Variants in FHIT observed in about 807,000 individuals in gnomAD.
FHIT encodes the protein bis(5'-adenosyl)-triphosphatase.
Under a neutral mutation model 17.9 loss-of-function variants are expected in FHIT, and 19 were observed. That is an observed-to-expected ratio of 1.06 (90% CI 0.74 to 1.56). The LOEUF (loss-of-function observed/expected upper bound fraction) is 1.56, where lower values mean the gene tolerates loss of function less well. Among genes scored for constraint, FHIT ranks in the 40% most tolerant of loss-of-function variants. FHIT has a pLI of 0.00. For missense variants in FHIT, 248 were observed against 189.2 expected (o/e 1.31, Z -1.82); for synonymous variants, 81 against 69.7 (o/e 1.16, Z -0.81).
chr3:60,886,966 A>G (rs149482014), intron 3 of FHIT, among the ~76,000 whole-genome samples: 1 of 152,316 alleles, frequency 6.6e-6, no homozygotes, highest in East Asian at 1.9e-4. Context: ...AAACAATTAG[A>G]TCTATAATCT....
intron 3 of FHIT, among the ~76,000 whole-genome samples, chr3:60,903,457 G>A (rs1706227474): frequency 6.6e-6 from 1 of 152,146 alleles, no homozygotes; most frequent in Non-Finnish European, 1.5e-5. Context: ...GCCAAATAAA[G>A]ACCTAAATCT....
rs142949445 is a variant in FHIT, at chr3:60,035,949, T to C, written c.104-21797A>G. 3.3e-3 allele frequency among the ~76,000 whole-genome samples: 508 copies of C among 152,350 alleles called. 2 individuals are homozygous for C. Among genetic ancestry groups the C allele is most frequent in the Admixed American group, 6.5e-3 (100 of 15,306 alleles). On this transcript the variant is annotated intron_variant, in intron 5 of 9. Transcript: ENST00000492590. ...CTTCTTGCCTGCTATTTGTCCATGG[T>C]GGGCCAGCAGATCAGCTCTGCCCAT... is the stretch of plus-strand genomic sequence containing the variant.
intron 5 of FHIT, among the ~76,000 whole-genome samples, chr3:60,087,250 C>T (rs1361509295): frequency 6.6e-6 from 1 of 151,286 alleles, no homozygotes; most frequent in Non-Finnish European, 1.5e-5. Context: ...CCATTCTGTC[C>T]ATCTACACCT....
chr3:60,502,889 G>C (rs1214117815), intron 5 of FHIT, among the ~76,000 whole-genome samples: 2 of 152,154 alleles, frequency 1.3e-5, no homozygotes, highest in Non-Finnish European at 2.9e-5. Context: ...TTGGTGAAAG[G>C]TTAGAAAAAA....
At chr3:60,789,175 T>TAGAGAG (rs59757824) in intron 4 of FHIT, among the ~76,000 whole-genome samples, 1,402 of 102,648 alleles carry the variant, frequency 0.014, 33 homozygotes, top group African/African-American at 0.043. Context: ...TATATATATA[T>TAGAGAG]AGAGAGAGAG....
intron 5 of FHIT, among the ~76,000 whole-genome samples, chr3:60,192,312 G>C (rs771853002): frequency 2.0e-5 from 3 of 151,760 alleles, no homozygotes; most frequent in Admixed American, 2.0e-4. Flanking sequence ...TTTGAAAAAG[G>C]TAAACTGAGG....
At chr3:60,985,129 T>C (rs996142526) in intron 3 of FHIT, among the ~76,000 whole-genome samples, 1 of 152,166 alleles carries the variant, frequency 6.6e-6, no homozygotes. Context: ...GAGTATGGCA[T>C]TGAAGGACCT....
At chr3:60,965,821 T>C (rs782225607) in intron 3 of FHIT, among the ~76,000 whole-genome samples, 4 of 152,138 alleles carry the variant, frequency 2.6e-5, no homozygotes, top group Non-Finnish European at 4.4e-5. Flanking sequence ...GAGGGGTACC[T>C]GGCTGTGTGA....
intron 4 of FHIT, among the ~76,000 whole-genome samples, chr3:60,615,061 C>G (rs371331198): frequency 6.6e-6 from 1 of 152,030 alleles, no homozygotes; most frequent in African/African-American, 2.4e-5. Context: ...ATCTCTTGAC[C>G]TCGTGATCTG....
At chr3:60,690,393 A>G (rs529072812) in intron 4 of FHIT, 43 of 578,198 alleles carry the variant, frequency 7.4e-5, no homozygotes, top group African/African-American at 7.3e-4. Context: ...AAAACTGGGA[A>G]CCATTTGCGT....
chr3:59,761,709 T>G (rs943613193), intron 8 of FHIT, among the ~76,000 whole-genome samples: 6 of 151,864 alleles, frequency 4.0e-5, no homozygotes, highest in Admixed American at 1.3e-4. Flanking sequence ...TGGGTACAAG[T>G]GATTCTCCTG....
At chr3:59,995,703 C>T (rs1379877732) in intron 7 of FHIT, among the ~76,000 whole-genome samples, 3 of 152,198 alleles carry the variant, frequency 2.0e-5, no homozygotes, top group African/African-American at 7.2e-5. Context: ...GAATCTCCTC[C>T]TCCCACCCTA....
At chr3:60,919,330 C>T (rs782423148) in intron 3 of FHIT, among the ~76,000 whole-genome samples, 2 of 151,702 alleles carry the variant, frequency 1.3e-5, no homozygotes, top group Non-Finnish European at 2.9e-5. Flanking sequence ...CAAACTTAAA[C>T]ACAAAGTGGA....
At chr3:60,375,056 T>C (rs1449603283) in intron 5 of FHIT, among the ~76,000 whole-genome samples, 2 of 150,292 alleles carry the variant, frequency 1.3e-5, no homozygotes, top group Non-Finnish European at 3.0e-5. Context: ...GAGAGAAAAA[T>C]GGTAAAATAC....
At chr3:59,780,710 G>A (rs971662383) in intron 8 of FHIT, among the ~76,000 whole-genome samples, 1 of 152,226 alleles carries the variant, frequency 6.6e-6, no homozygotes, top group Non-Finnish European at 1.5e-5. Context: ...CACCATGTGA[G>A]GATACCTCAA....
At chr3:61,200,156 T>C (rs1231939004) in intron 2 of FHIT, among the ~76,000 whole-genome samples, 1 of 152,248 alleles carries the variant, frequency 6.6e-6, no homozygotes, top group Admixed American at 6.5e-5. Flanking sequence ...GGCTCTTTTC[T>C]TTCTACAAAA....
intron 4 of FHIT, among the ~76,000 whole-genome samples, chr3:60,668,260 G>C (rs542219423): frequency 2.6e-5 from 4 of 151,414 alleles, no homozygotes; most frequent in Admixed American, 2.6e-4. Flanking sequence ...GGCTGAGGGA[G>C]AGCAGAGTCC....
At chr3:59,819,620 C>T (rs1455558195) in intron 8 of FHIT, among the ~76,000 whole-genome samples, 1 of 152,182 alleles carries the variant, frequency 6.6e-6, no homozygotes, top group Non-Finnish European at 1.5e-5. Flanking sequence ...AGACATTTTT[C>T]TGTATATTTG....
intron 3 of FHIT, among the ~76,000 whole-genome samples, chr3:61,030,772 A>T (rs1277322815): frequency 6.6e-6 from 1 of 152,194 alleles, no homozygotes; most frequent in Non-Finnish European, 1.5e-5. Flanking sequence ...TGGTAGTTTC[A>T]ATGAAAAAGT....
Sources: allele counts gnomAD v4.1 joint callset (sites outside exome capture counted in the v4.1 genomes callset), GRCh38; gene constraint gnomAD v4.1.1; transcripts MANE v1.5; gene names NCBI Gene and HGNC (gene_info 2026-07-23, HGNC 2026-07-21).